Variants in PLIN1 observed in about 807,000 individuals in gnomAD.
PLIN1 encodes perilipin 1.
PLIN1 carries 37 observed loss-of-function variants against 45.8 expected under a neutral mutation model. That is an observed-to-expected ratio of 0.81 (90% CI 0.62 to 1.06). The LOEUF is 1.06. PLIN1 is among the 50% of genes least tolerant of loss of function. The pLI is 0.00. For missense variants in PLIN1, 776 were observed against 716.5 expected (o/e 1.08, Z -0.95); for synonymous variants, 340 against 309.2 (o/e 1.10, Z -1.05).
chr15:89,667,024 G>A lies in PLIN1; in HGVS notation c.1121C>T (p.Ser374Phe), dbSNP rs2141525863. 2.5e-6 allele frequency: 4 copies of A among 1,614,132 alleles called. No individual in the cohort carries two copies. The highest frequency in any genetic ancestry group is 3.4e-6 in the Non-Finnish European group (4 of 1,179,984). The change falls in exon 8 of 9, where the codon TCC becomes TTC. Residue 374 changes from serine (S) to phenylalanine (F), a missense_variant. By Grantham distance (155) the Ser-to-Phe change is radical. Transcript: ENST00000300055. ...GGACATGGCCCTCCCCTTGGTTGAG[G>A]AGACAGCAGGGGCTGGTGTGAGGTG... ...VLHLTPAPAV[S>F]STKGRAMSLS...
At position 89,667,039 on chromosome 15, in the gene PLIN1, G is replaced by A. The variant is rs766470624; in HGVS notation, c.1106C>T (p.Pro369Leu). The change falls in exon 8 of 9, where the codon CCA becomes CTA. Residue 369 changes from proline (P) to leucine (L), a missense_variant. Coordinates refer to ENST00000300055, the MANE Select transcript of PLIN1 (RefSeq NM_002666.5). Reference sequence around the variant, plus strand: ...CTTGGTTGAGGAGACAGCAGGGGCTGGTGTGAGGTGCAGCACCCTCCCTGC... The same window carrying A: ...CTTGGTTGAGGAGACAGCAGGGGCTAGTGTGAGGTGCAGCACCCTCCCTGC... ...GMAGRVLHLTPAPAVSSTKGR... is the reference protein window; with the variant it reads ...GMAGRVLHLTLAPAVSSTKGR... 3 of 1,614,020 alleles carry A rather than the reference G, an allele frequency of 1.9e-6. No individual in the cohort carries two copies. Among genetic ancestry groups the A allele is most frequent in the African/African-American group, 2.7e-5 (2 of 74,938 alleles).
rs111509006 is a variant in PLIN1 at position 89,679,250 on chromosome 15, C to T, written c.-15+1G>A. 1 of 152,426 alleles carries T rather than the reference C, an allele frequency of 6.6e-6. No individual in the cohort carries two copies. Among genetic ancestry groups the T allele is most frequent in the Non-Finnish European group, 1.5e-5 (1 of 68,076 alleles). 9.4% of individuals were successfully genotyped at this position (152,426 alleles called of 1,614,324 possible). On this transcript the variant is annotated splice_donor_variant, in intron 1 of 8. Transcript: ENST00000300055. LOFTEE classifies it low-confidence loss of function (5UTR_SPLICE). ...CAGCAAAATCCCCAAGAGGCCCTTA[C>T]CTTCAACTTCTTCCCTTTAATGTTC... is the stretch of plus-strand genomic sequence containing the variant.
chr15:89,674,179 G>T (rs373883815), intron 2 of PLIN1, among the ~76,000 whole-genome samples: 1 of 152,212 alleles, frequency 6.6e-6, no homozygotes, highest in Non-Finnish European at 1.5e-5. Context: ...CAACTGCACA[G>T]AATCACAGAA....
intron 2 of PLIN1, among the ~76,000 whole-genome samples, chr15:89,675,014 C>G (rs530599070): frequency 1.3e-5 from 2 of 152,150 alleles, no homozygotes; most frequent in Admixed American, 1.3e-4. Flanking sequence ...TACTCGGGAA[C>G]CTGAGGCGGG....
At chr15:89,669,941 A>G (rs938662320) in intron 5 of PLIN1, 39 bp downstream of exon 5, 5 of 1,588,382 alleles carry the variant, frequency 3.1e-6, no homozygotes, top group African/African-American at 1.3e-5. Flanking sequence ...AGTGTGTGTG[A>G]CAACTCACTC....
At position 89,677,521 on chromosome 15, in the gene PLIN1, A is replaced by G. The variant is rs981258009; in HGVS notation, c.-14-18T>C. The G allele has an allele frequency of 1.2e-6, 2 of 1,610,298 alleles. No homozygotes were observed. Among genetic ancestry groups the G allele is most frequent in the Non-Finnish European group, 1.7e-6 (2 of 1,176,670 alleles). On this transcript the variant is annotated intron_variant, in intron 1 of 8. Coordinates refer to ENST00000300055, the MANE Select transcript of PLIN1 (RefSeq NM_002666.5). ...TCCTCAAGCTGCAAAACAGAGTCCCAGGTCCCATCAGAAGCCCTCAGGCTT... is the reference window on the plus strand; with the variant it reads ...TCCTCAAGCTGCAAAACAGAGTCCCGGGTCCCATCAGAAGCCCTCAGGCTT...
chr15:89,675,422 CAAAAA>C (rs71151523), intron 2 of PLIN1, among the ~76,000 whole-genome samples: 3 of 62,582 alleles, frequency 4.8e-5, no homozygotes, highest in African/African-American at 6.6e-5. Flanking sequence ...CTCTGAGCCA[CAAAAA>C]AAAAAAAAAA....
intron 8 of PLIN1, among the ~76,000 whole-genome samples, chr15:89,666,654 C>T (rs570071359): frequency 1.3e-5 from 2 of 152,162 alleles, no homozygotes; most frequent in Non-Finnish European, 2.9e-5. Context: ...TGAAGGTGAG[C>T]CACTGGGATC....
intron 3 of PLIN1, among the ~76,000 whole-genome samples, 190 bp downstream of exon 3, chr15:89,673,020 C>A (rs1171970312): frequency 6.6e-6 from 1 of 152,202 alleles, no homozygotes; most frequent in East Asian, 1.9e-4. Flanking sequence ...AGATAGGCAT[C>A]TATAGAAGAA....
rs141205480 is a variant in PLIN1, at chr15:89,666,317, G to A, written c.1210-375C>T. Among the ~76,000 whole-genome samples, 647 of 152,258 alleles carry A rather than the reference G, an allele frequency of 4.2e-3. 4 individuals are homozygous for A. The highest frequency in any genetic ancestry group is 0.015 in the African/African-American group (611 of 41,552). ...TGGCCCGAGCGCAGGATGAACAGGCGGGCTGCTAAGATCCCTGGCATGCTG... is the reference window on the plus strand; with the variant it reads ...TGGCCCGAGCGCAGGATGAACAGGCAGGCTGCTAAGATCCCTGGCATGCTG... On this transcript the variant is annotated intron_variant, in intron 8 of 8. Coordinates refer to ENST00000300055, the MANE Select transcript of PLIN1 (RefSeq NM_002666.5).
At chr15:89,666,122 T>C (rs1244024282) in intron 8 of PLIN1, among the ~76,000 whole-genome samples, 180 bp from the exon 9 acceptor site, 1 of 152,220 alleles carries the variant, frequency 6.6e-6, no homozygotes, top group Non-Finnish European at 1.5e-5. Flanking sequence ...TCCTGCCCAC[T>C]CTGAGCTTCT....
Position 89,665,512 on chromosome 15 carries a change from TG to T in PLIN1, c.*70del. The T allele has an allele frequency of 6.8e-7, 1 of 1,464,744 alleles. No individual in the cohort carries two copies. Among genetic ancestry groups the T allele is most frequent in the South Asian group, 1.3e-5 (1 of 79,434 alleles). 90.7% of individuals were successfully genotyped at this position (1,464,744 alleles called of 1,614,324 possible). ...CACTTTGAAAGTGGCAACGCTCGCC[TG>T]GGCAGTGCGGGTTCTGTTTATTTGT... On this transcript the variant is annotated 3_prime_UTR_variant, in exon 9 of 9. Coordinates refer to ENST00000300055, the MANE Select transcript of PLIN1 (RefSeq NM_002666.5).
At position 89,679,304 on chromosome 15, in the gene PLIN1, C is replaced by T. The variant is rs1199251412; in HGVS notation, c.-68G>A. 6.5e-6 allele frequency: 1 copy of T among 152,734 alleles called. No homozygotes were observed. Among genetic ancestry groups the T allele is most frequent in the African/African-American group, 2.4e-5 (1 of 41,412 alleles). 9.5% of individuals were successfully genotyped at this position (152,734 alleles called of 1,614,324 possible). On this transcript the variant is annotated 5_prime_UTR_variant, in exon 1 of 9. Coordinates refer to ENST00000300055, the MANE Select transcript of PLIN1 (RefSeq NM_002666.5). Reference sequence around the variant, plus strand: ...AACAAGCCATGTAAGGCAGGTGCCCCAGGACCCCAACACTCACTCCGGCTG... The same window carrying T: ...AACAAGCCATGTAAGGCAGGTGCCCTAGGACCCCAACACTCACTCCGGCTG...
Position 89,673,300 on chromosome 15 carries a change from C to A in PLIN1, c.160G>T (p.Val54Leu). 1 of 1,587,058 alleles carries A rather than the reference C, an allele frequency of 6.3e-7. No individual in the cohort carries two copies. The highest frequency in any genetic ancestry group is 2.3e-5 in the East Asian group (1 of 43,604). Residue 54 changes from valine (V) to leucine (L), a missense_variant, in exon 3 of 9, where the codon GTG becomes TTG. Transcript: ENST00000300055. ...ACGCCCTTCTCATAGGCATTGCACA[C>A]AGAGGCCACCAGGGGGTGGGCTTCC... ...TKEAHPLVAS[V>L]CNAYEKGVQS...
At chr15:89,669,051 T>C (rs1964395333) in intron 6 of PLIN1, among the ~76,000 whole-genome samples, 3 of 151,678 alleles carry the variant, frequency 2.0e-5, no homozygotes, top group South Asian at 2.1e-4. Flanking sequence ...CTTGGGTGCA[T>C]TGGTGCTGGG....
intron 2 of PLIN1, chr15:89,676,846 G>C (rs1964526945): frequency 6.3e-6 from 1 of 158,066 alleles, no homozygotes; most frequent in East Asian, 1.8e-4. Context: ...TATTGCACAG[G>C]TTCATAATTT....
rs763141058 is a variant in PLIN1, at chr15:89,667,635, TTCC to T, written c.927_929del (p.Glu311del). The T allele has an allele frequency of 6.2e-7, 1 of 1,613,336 alleles. No homozygotes were observed. Among genetic ancestry groups the T allele is most frequent in the Non-Finnish European group, 8.5e-7 (1 of 1,179,516 alleles). ...ACTTGTTCTCCTCAGTCTCCAATTC[TTCC>T]TCCTCCTCCGTGTCCTCTCCCTCCG... On this transcript the variant is annotated inframe_deletion, in exon 7 of 9. Transcript: ENST00000300055.
chr15:89,667,261 G>C, intron 7 of PLIN1, 80 bp from the exon 8 acceptor site: 1 of 1,580,866 alleles, frequency 6.3e-7, no homozygotes. Flanking sequence ...GGGCTAGAGG[G>C]GAAAGCATGA....
chr15:89,673,372 C>T lies in PLIN1; in HGVS notation c.88G>A (p.Val30Met). The T allele has an allele frequency of 6.2e-7, 1 of 1,604,752 alleles. No individual in the cohort carries two copies. Among genetic ancestry groups the T allele is most frequent in the Non-Finnish European group, 8.5e-7 (1 of 1,175,588 alleles). The change falls in exon 3 of 9, where the codon GTG becomes ATG. Residue 30 changes from valine to methionine, a missense_variant. Physicochemically the swap from Val to Met is conservative, Grantham distance 21. Transcript: ENST00000300055. ...TGGAAGCATTCGCAGGTGCCACTCA[C>T]CACCGGCAGCTGCAGGACCCGCTGC... ...VLQRVLQLPV[V>M]SGTCECFQKT...
Sources: gnomAD v4.1 joint callset for allele counts (sites outside exome capture counted in the v4.1 genomes callset) on GRCh38, gnomAD v4.1.1 for gene constraint, MANE v1.5 for transcripts, NCBI Gene and HGNC (gene_info 2026-07-23, HGNC 2026-07-21) for gene names.